Variants in GALNT13 observed in about 807,000 individuals in gnomAD.
GALNT13 encodes the protein UDP-GalNAc:polypeptide N-acetylgalactosaminyltransferase 13.
In GALNT13, 28 loss-of-function variants were observed where a neutral mutation model predicts 64.2. That is an observed-to-expected ratio of 0.44 (90% confidence interval 0.32 to 0.60). GALNT13 has a LOEUF of 0.60. Ranked by LOEUF, GALNT13 falls within the 20% of genes least tolerant of loss-of-function variation. The pLI, the probability that GALNT13 is intolerant of heterozygous loss-of-function variation, is 0.05. For synonymous variants in GALNT13, 214 were observed against 224.6 expected (o/e 0.95, Z 0.42); for missense variants, 577 against 669.8 (o/e 0.86, Z 1.53).
chr2:153,537,660 A>G, the GALNT13 span, among the ~76,000 whole-genome samples: 4 of 152,114 alleles, frequency 2.6e-5, no homozygotes, highest in African/African-American at 9.7e-5. Context: ...CTTGGTGGGA[A>G]GGGATTCGCT....
At chr2:153,558,114 C>T in the GALNT13 span, among the ~76,000 whole-genome samples, 1 of 152,172 alleles carries the variant, frequency 6.6e-6, no homozygotes, top group Non-Finnish European at 1.5e-5. Context: ...CTGGAAGCTC[C>T]TTTACAGCAG....
At chr2:153,777,905 C>A in the GALNT13 span, among the ~76,000 whole-genome samples, 1 of 152,166 alleles carries the variant, frequency 6.6e-6, no homozygotes. Flanking sequence ...ATCCCGGGTT[C>A]TTGCCTTGGT....
At chr2:153,890,927 A>T (rs920358008) in intron 1 of GALNT13, among the ~76,000 whole-genome samples, 1 of 152,020 alleles carries the variant, frequency 6.6e-6, no homozygotes, top group Non-Finnish European at 1.5e-5. Context: ...TTCCCCTTGA[A>T]ATGGAGCTAA....
At chr2:153,760,414 C>T in the GALNT13 span, among the ~76,000 whole-genome samples, 2 of 151,120 alleles carry the variant, frequency 1.3e-5, no homozygotes, top group South Asian at 4.2e-4. Context: ...TTGTTGTATC[C>T]CATAAGTTTT....
intron 9 of GALNT13, among the ~76,000 whole-genome samples, chr2:154,332,773 A>C (rs2105198737): frequency 6.6e-6 from 1 of 152,262 alleles, no homozygotes; most frequent in African/African-American, 2.4e-5. Context: ...TATTTAACTC[A>C]ATCCTAAAGG....
chr2:153,868,961 T>C (rs899846055), upstream of GALNT13, among the ~76,000 whole-genome samples: 1 of 152,202 alleles, frequency 6.6e-6, no homozygotes, highest in Non-Finnish European at 1.5e-5. Flanking sequence ...TAAATAATGA[T>C]AACTACCTGA....
chr2:153,759,433 C>T, the GALNT13 span, among the ~76,000 whole-genome samples: 1 of 152,096 alleles, frequency 6.6e-6, no homozygotes, highest in Non-Finnish European at 1.5e-5. Context: ...ATAATGTTAG[C>T]TGTGGCTTGT....
At chr2:154,188,797 A>G (rs572253540) in intron 4 of GALNT13, among the ~76,000 whole-genome samples, 1 of 152,252 alleles carries the variant, frequency 6.6e-6, no homozygotes, top group East Asian at 1.9e-4. Flanking sequence ...TACAAAGCAT[A>G]TCTCATACTC....
At chr2:153,753,717 C>T in the GALNT13 span, among the ~76,000 whole-genome samples, 1 of 152,200 alleles carries the variant, frequency 6.6e-6, no homozygotes, top group Non-Finnish European at 1.5e-5. Context: ...TTCCTGGCTA[C>T]TGCCTATGTT....
chr2:153,659,235 T>C, the GALNT13 span, among the ~76,000 whole-genome samples: 1 of 152,064 alleles, frequency 6.6e-6, no homozygotes, highest in Admixed American at 6.6e-5. Context: ...CCAATAGCAG[T>C]TGCCAGATTC....
chr2:153,706,944 G>A, the GALNT13 span, among the ~76,000 whole-genome samples: 2 of 152,142 alleles, frequency 1.3e-5, no homozygotes, highest in African/African-American at 4.8e-5. Context: ...TTTGTTGAGG[G>A]AGGGATCTGG....
the GALNT13 span, among the ~76,000 whole-genome samples, chr2:153,084,997 T>C: frequency 6.6e-6 from 1 of 152,154 alleles, no homozygotes; most frequent in African/African-American, 2.4e-5. Context: ...ACCAAAATGA[T>C]GATAGTGACA....
intron 4 of GALNT13, among the ~76,000 whole-genome samples, chr2:154,237,625 G>A (rs1689265156): frequency 6.7e-6 from 1 of 149,796 alleles, no homozygotes; most frequent in South Asian, 2.1e-4. Context: ...AACTTTAAAT[G>A]CATTTTGTTG....
At chr2:153,283,486 A>C in the GALNT13 span, among the ~76,000 whole-genome samples, 1 of 151,896 alleles carries the variant, frequency 6.6e-6, no homozygotes, top group Non-Finnish European at 1.5e-5. Flanking sequence ...GAGCCCCTCC[A>C]CTCCCTTAAC....
chr2:153,666,236 C>A, the GALNT13 span, among the ~76,000 whole-genome samples: 2 of 152,082 alleles, frequency 1.3e-5, no homozygotes, highest in Non-Finnish European at 1.5e-5. Flanking sequence ...CTGCAGCCTC[C>A]CCAGATTGCT....
intron 7 of GALNT13, among the ~76,000 whole-genome samples, chr2:154,250,165 C>A (rs1182670751): frequency 2.0e-5 from 3 of 151,976 alleles, no homozygotes; most frequent in Non-Finnish European, 2.9e-5. Context: ...TGAGCAATGT[C>A]TTTGATATGA....
chr2:154,353,526 C>A (rs540440813), intron 9 of GALNT13, among the ~76,000 whole-genome samples: 4 of 152,136 alleles, frequency 2.6e-5, no homozygotes, highest in Non-Finnish European at 5.9e-5. Flanking sequence ...TAGACTTGTT[C>A]ATCCTACACA....
chr2:154,216,825 T>TG (rs1688069519), intron 4 of GALNT13, among the ~76,000 whole-genome samples: 1 of 147,398 alleles, frequency 6.8e-6, no homozygotes, highest in East Asian at 2.0e-4. Flanking sequence ...TTTTTTTTTT[T>TG]TTGAGACAGG....
At chr2:153,507,730 G>A in the GALNT13 span, among the ~76,000 whole-genome samples, 5 of 152,284 alleles carry the variant, frequency 3.3e-5, no homozygotes, top group East Asian at 9.7e-4. Flanking sequence ...ATCTTTGGGG[G>A]TGCTAAAGAA....
Sources: gnomAD v4.1 joint callset for allele counts (sites outside exome capture counted in the v4.1 genomes callset) on GRCh38, gnomAD v4.1.1 for gene constraint, MANE v1.5 for transcripts, NCBI Gene and HGNC (gene_info 2026-07-23, HGNC 2026-07-21) for gene names.